DAB1: variants seen among roughly 807,000 people sequenced by gnomAD.
DAB1 encodes disabled homolog 1.
A neutral mutation model predicts 64.6 loss-of-function variants in DAB1; 15 were observed. The observed-to-expected ratio is 0.23, with a 90% confidence interval of 0.16 to 0.36. The LOEUF (loss-of-function observed/expected upper bound fraction) is 0.36, where lower values mean the gene tolerates loss of function less well. DAB1 is among the 10% of genes least tolerant of loss of function. The pLI is 1.00. For synonymous variants in DAB1, 235 were observed against 251.9 expected (o/e 0.93, Z 0.64); for missense variants, 596 against 706.7 (o/e 0.84, Z 1.78).
At chr1:57,007,766 C>T (rs987196320) in intron 14 of DAB1, among the ~76,000 whole-genome samples, 1 of 152,120 alleles carries the variant, frequency 6.6e-6, no homozygotes, top group African/African-American at 2.4e-5. Flanking sequence ...TGCTTTCCAA[C>T]CATATGAAAG....
intron 1 of DAB1, among the ~76,000 whole-genome samples, chr1:57,324,155 AG>A (rs1236819869): frequency 9.2e-5 from 14 of 152,368 alleles, no homozygotes; most frequent in South Asian, 2.1e-4. Context: ...TCAAATTAAC[AG>A]GTCAATAGCA....
At chr1:58,391,972 A>T (rs1020707667) in intron 3 of DAB1, among the ~76,000 whole-genome samples, 1 of 152,238 alleles carries the variant, frequency 6.6e-6, no homozygotes, top group South Asian at 2.1e-4. Context: ...AGCCATCTTG[A>T]AATACCAGAA....
chr1:58,458,244 C>T (rs111326909), intron 3 of DAB1, among the ~76,000 whole-genome samples: 12 of 152,252 alleles, frequency 7.9e-5, no homozygotes, highest in East Asian at 7.7e-4. Context: ...CATATCAGAC[C>T]GACAGAACAG....
chr1:57,786,668 C>T (rs1022660973), intron 6 of DAB1, among the ~76,000 whole-genome samples: 2 of 152,020 alleles, frequency 1.3e-5, no homozygotes, highest in African/African-American at 2.4e-5. Context: ...GACACTGAAC[C>T]GTGGAAAACC....
At chr1:57,932,898 C>G (rs2102039277) in intron 5 of DAB1, among the ~76,000 whole-genome samples, 1 of 152,278 alleles carries the variant, frequency 6.6e-6, no homozygotes, top group East Asian at 1.9e-4. Flanking sequence ...TTCCTTTCCC[C>G]AGGTCAGTTA....
At chr1:58,248,558 C>A (rs1660657904) in intron 4 of DAB1, among the ~76,000 whole-genome samples, 2 of 152,182 alleles carry the variant, frequency 1.3e-5, no homozygotes, top group Admixed American at 1.3e-4. Flanking sequence ...GAACAGAAAT[C>A]TACTATCTAG....
intron 6 of DAB1, among the ~76,000 whole-genome samples, chr1:57,669,936 C>T (rs1481443757): frequency 6.6e-6 from 1 of 152,128 alleles, no homozygotes; most frequent in Non-Finnish European, 1.5e-5. Flanking sequence ...TTAAGACAAT[C>T]TTTGCTTCAT....
intron 2 of DAB1, among the ~76,000 whole-genome samples, chr1:57,169,978 T>G (rs933305238): frequency 4.5e-4 from 67 of 149,956 alleles, no homozygotes; most frequent in African/African-American, 1.7e-3. Context: ...TACCATGCCT[T>G]TTTCTTTTTC....
chr1:57,969,905 C>T (rs1363855339), intron 5 of DAB1, among the ~76,000 whole-genome samples: 3 of 152,124 alleles, frequency 2.0e-5, no homozygotes, highest in South Asian at 2.1e-4. Flanking sequence ...TATTGACATC[C>T]TAATCCACAA....
intron 1 of DAB1, among the ~76,000 whole-genome samples, chr1:58,538,008 G>C (rs746542361): frequency 6.6e-6 from 1 of 152,160 alleles, no homozygotes; most frequent in African/African-American, 2.4e-5. Context: ...CAGCTGTATC[G>C]CTTTTGGGTG....
chr1:57,388,370 C>A (rs957867191), intron 1 of DAB1, among the ~76,000 whole-genome samples: 1 of 152,214 alleles, frequency 6.6e-6, no homozygotes, highest in African/African-American at 2.4e-5. Flanking sequence ...TAACAGGCAT[C>A]TCCTCCCTCA....
chr1:57,151,094 T>C (rs996218305), intron 2 of DAB1, among the ~76,000 whole-genome samples: 4 of 152,176 alleles, frequency 2.6e-5, no homozygotes, highest in African/African-American at 7.2e-5. Flanking sequence ...CTAGAGGGCA[T>C]GGCTAGAGCG....
chr1:57,852,186 T>C (rs548203342), intron 1 of DAB1, among the ~76,000 whole-genome samples: 9 of 152,288 alleles, frequency 5.9e-5, no homozygotes, highest in Admixed American at 5.9e-4. Context: ...CCCCTGAAGA[T>C]CCTCATGTGA....
chr1:57,834,030 C>T (rs930603855), intron 1 of DAB1, among the ~76,000 whole-genome samples: 1 of 152,080 alleles, frequency 6.6e-6, no homozygotes, highest in African/African-American at 2.4e-5. Context: ...TCCTATTAAC[C>T]TATTTAAAAT....
At chr1:57,752,447 T>C (rs903134937) in intron 6 of DAB1, among the ~76,000 whole-genome samples, 1 of 152,212 alleles carries the variant, frequency 6.6e-6, no homozygotes. Context: ...TTATAACAGA[T>C]TAAAGGCAAG....
chr1:57,197,805 C>T (rs1664757515), intron 2 of DAB1, among the ~76,000 whole-genome samples: 2 of 152,216 alleles, frequency 1.3e-5, no homozygotes, highest in Non-Finnish European at 1.5e-5. Flanking sequence ...TTTAATTTCA[C>T]TTGCATGTTT....
chr1:57,954,896 G>A (rs955914739), intron 5 of DAB1, among the ~76,000 whole-genome samples: 8 of 152,292 alleles, frequency 5.3e-5, no homozygotes, highest in Admixed American at 3.3e-4. Context: ...GGCAAGGTGT[G>A]TTATCCCCTA....
rs181698673 is a variant in DAB1 at position 58,174,827 on chromosome 1, G to A, written n.310-24239C>T. 1.5e-3 allele frequency among the ~76,000 whole-genome samples: 229 copies of A among 152,202 alleles called. 1 individual carries two copies. The highest frequency in any genetic ancestry group is 2.7e-3 in the Non-Finnish European group (183 of 68,014). On this transcript the variant is annotated intron_variant and non_coding_transcript_variant, in intron 4 of 20. Coordinates refer to the DAB1 transcript ENST00000485760. ...TGTGTCTAGCTAAAGGATTGTAAATGCACCAATCAGCGCTCTGTAAAAATG... is the reference window on the plus strand; with the variant it reads ...TGTGTCTAGCTAAAGGATTGTAAATACACCAATCAGCGCTCTGTAAAAATG...
At chr1:58,259,569 C>T (rs1402350084) in intron 4 of DAB1, among the ~76,000 whole-genome samples, 1 of 152,136 alleles carries the variant, frequency 6.6e-6, no homozygotes, top group Non-Finnish European at 1.5e-5. Flanking sequence ...CCATAAGTTC[C>T]TGTAGGTTAG....
Sources: gnomAD v4.1 joint callset for allele counts (sites outside exome capture counted in the v4.1 genomes callset) on GRCh38, gnomAD v4.1.1 for gene constraint, MANE v1.5 for transcripts, NCBI Gene and HGNC (gene_info 2026-07-23, HGNC 2026-07-21) for gene names.